C6orf62: variants seen among roughly 807,000 people sequenced by gnomAD.
C6orf62 encodes the protein uncharacterized protein C6orf62.
Under a neutral mutation model 26.8 loss-of-function variants are expected in C6orf62, and 16 were observed. That is an observed-to-expected ratio of 0.60 (90% CI 0.40 to 0.91). The LOEUF (loss-of-function observed/expected upper bound fraction) is 0.91, where lower values mean the gene tolerates loss of function less well. Among genes scored for constraint, C6orf62 ranks in the 40% least tolerant of loss-of-function variants. The probability of loss-of-function intolerance (pLI) is 0.00; values close to 1 mark genes in which losing one functional copy is unlikely to be tolerated. For missense variants in C6orf62, 192 were observed against 271.4 expected (o/e 0.71, Z 2.06); for synonymous variants, 112 against 91.5 (o/e 1.22, Z -1.28).
chr6:24,718,792 A>C lies in C6orf62; in HGVS notation c.-124T>G. On this transcript the variant is annotated 5_prime_UTR_variant, in exon 1 of 5. Transcript: ENST00000378119. ...TCCTGCTAATATGATTGATTAGCGA[A>C]AATCACGACTATAACCCAAAAACTG... is the stretch of plus-strand genomic sequence containing the variant. 1 of 1,550,786 alleles carries C rather than the reference A, an allele frequency of 6.4e-7. No individual in the cohort carries two copies. Among genetic ancestry groups the C allele is most frequent in the Non-Finnish European group, 8.6e-7 (1 of 1,158,422 alleles).
chr6:24,711,253 CACAA>C (rs996910414), intron 3 of C6orf62, among the ~76,000 whole-genome samples: 25 of 151,932 alleles, frequency 1.6e-4, no homozygotes, highest in African/African-American at 5.6e-4. Flanking sequence ...CACACACACA[CACAA>C]ACACACACAC....
intron 3 of C6orf62, among the ~76,000 whole-genome samples, chr6:24,711,431 C>A (rs1175603826): frequency 2.6e-5 from 4 of 152,134 alleles, no homozygotes. Flanking sequence ...CACTGAAGAA[C>A]TCAGTATTTA....
chr6:24,720,212 A>T, upstream of C6orf62: 1 of 1,349,806 alleles, frequency 7.4e-7, no homozygotes, highest in Non-Finnish European at 9.5e-7. Context: ...CCCGGGACTC[A>T]CGGACCGACT....
chr6:24,709,003 G>A (rs573445749), intron 3 of C6orf62, 92 bp from the exon 4 acceptor site: 30 of 1,542,822 alleles, frequency 1.9e-5, no homozygotes, highest in Non-Finnish European at 2.6e-5. Context: ...CAATAAAGCA[G>A]CCAACAGTCC....
intron 1 of C6orf62, among the ~76,000 whole-genome samples, chr6:24,717,549 T>C (rs930745578): frequency 1.3e-5 from 2 of 152,222 alleles, no homozygotes; most frequent in Non-Finnish European, 2.9e-5. Context: ...ATCCCAGCAC[T>C]TTAAAATGCC....
intron 3 of C6orf62, chr6:24,709,355 G>A: frequency 6.1e-6 from 6 of 985,056 alleles, no homozygotes; most frequent in Non-Finnish European, 7.2e-6. Context: ...AGTACTTTAA[G>A]CCCCAAGGAC....
intron 2 of C6orf62, among the ~76,000 whole-genome samples, chr6:24,715,874 C>T (rs1437530628): frequency 1.4e-5 from 2 of 144,902 alleles, no homozygotes; most frequent in South Asian, 2.2e-4. Flanking sequence ...AAAAAAAGTC[C>T]GAGATCATCA....
upstream of C6orf62, chr6:24,719,463 A>C: frequency 9.2e-7 from 1 of 1,090,896 alleles, no homozygotes; most frequent in African/African-American, 1.7e-5. Context: ...CAAAGGAGCC[A>C]TGAGAAAAAA....
chr6:24,711,243 CACACACACACACAA>C (rs1410946761), intron 3 of C6orf62, among the ~76,000 whole-genome samples: 1 of 151,612 alleles, frequency 6.6e-6, no homozygotes, highest in Non-Finnish European at 1.5e-5. Context: ...AAATGGTACA[CACACACACACACAA>C]ACACACACAC....
At chr6:24,711,728 C>T (rs1180337598) in intron 3 of C6orf62, among the ~76,000 whole-genome samples, 1 of 152,126 alleles carries the variant, frequency 6.6e-6, no homozygotes, top group Non-Finnish European at 1.5e-5. Flanking sequence ...TTTACCATTC[C>T]TTTTCTCATT....
intron 3 of C6orf62, among the ~76,000 whole-genome samples, chr6:24,713,861 A>G (rs1278379520): frequency 6.6e-6 from 1 of 152,230 alleles, no homozygotes; most frequent in Non-Finnish European, 1.5e-5. Context: ...CAAGATTTTA[A>G]GGTTAAGAAT....
upstream of C6orf62, chr6:24,719,399 C>T (rs1471048179): frequency 2.9e-6 from 3 of 1,023,840 alleles, no homozygotes; most frequent in Non-Finnish European, 2.3e-6. Context: ...GGGAGAGGTA[C>T]AGGGTTTCCC....
rs1779062024 is a variant in C6orf62 at position 24,708,699 on chromosome 6, G to GT, written c.564+77dup. The GT allele has an allele frequency of 5.8e-6, 9 of 1,554,546 alleles. No homozygotes were observed. The Admixed American group carries it at 1.2e-4, about 21-fold the overall frequency. ...AGTGTTTGGGGGACACAACAATTAA[G>GT]TAACTTGTATATAAAACGTTTACTA... On this transcript the variant is annotated intron_variant, in intron 4 of 4. Coordinates refer to ENST00000378119, the MANE Select transcript of C6orf62 (RefSeq NM_030939.5).
chr6:24,719,593 T>C (rs1029389323), upstream of C6orf62: 22 of 1,393,864 alleles, frequency 1.6e-5, 1 homozygote, highest in South Asian at 2.7e-4. Context: ...ACGGTATTAA[T>C]TATTCCGGCT....
intron 4 of C6orf62, chr6:24,707,020 A>G (rs1451402545): frequency 6.6e-6 from 1 of 152,254 alleles, no homozygotes; most frequent in Non-Finnish European, 1.5e-5. Context: ...TACCATTTGA[A>G]CATCCAACTT....
At chr6:24,720,120 GTTTCCC>G (rs1779325547), upstream of C6orf62, 1 of 1,332,526 alleles carries the variant, frequency 7.5e-7, no homozygotes, top group Non-Finnish European at 9.6e-7. Context: ...GTCGTTAGTT[GTTTCCC>G]GAGGGGCAGG....
At position 24,706,107 on chromosome 6, in the gene C6orf62, C is replaced by T. The variant is rs762288284; in HGVS notation, c.*30G>A. 6.2e-7 allele frequency: 1 copy of T among 1,606,016 alleles called. No homozygotes were observed. The highest frequency in any genetic ancestry group is 1.1e-5 in the South Asian group (1 of 89,176). The stretch of plus-strand genomic sequence containing the variant: ...AGAAAAAAAACTGCTGCTGCATTCT[C>T]TGATCTTCTCCATTTTGCTGGTCAG... On this transcript the variant is annotated 3_prime_UTR_variant, in exon 5 of 5. Coordinates refer to ENST00000378119, the MANE Select transcript of C6orf62 (RefSeq NM_030939.5).
intron 3 of C6orf62, among the ~76,000 whole-genome samples, chr6:24,711,251 CACACAA>C (rs2127633675): frequency 6.6e-6 from 1 of 152,058 alleles, no homozygotes; most frequent in Non-Finnish European, 1.5e-5. Flanking sequence ...CACACACACA[CACACAA>C]ACACACACAC....
upstream of C6orf62, chr6:24,719,775 A>C (rs957147209): frequency 2.6e-6 from 4 of 1,545,514 alleles, no homozygotes; most frequent in Non-Finnish European, 2.6e-6. Flanking sequence ...TCTTCTCCCA[A>C]ATCCCAGGCG....
Sources: allele counts gnomAD v4.1 joint callset (sites outside exome capture counted in the v4.1 genomes callset), GRCh38; gene constraint gnomAD v4.1.1; transcripts MANE v1.5; gene names NCBI Gene and HGNC (gene_info 2026-07-23, HGNC 2026-07-21).